ADGRL3: variants seen among roughly 807,000 people sequenced by gnomAD.
ADGRL3 encodes the protein adhesion G protein-coupled receptor L3, also known as calcium-independent alpha-latrotoxin receptor 3.
Under a neutral mutation model 153.5 loss-of-function variants are expected in ADGRL3, and 62 were observed. That is an observed-to-expected ratio of 0.40 (90% CI 0.33 to 0.50). The LOEUF is 0.50. Among genes scored for constraint, ADGRL3 ranks in the 20% least tolerant of loss-of-function variants. The pLI is 0.47. For missense variants in ADGRL3, 1,641 were observed against 1,859.4 expected (o/e 0.88, Z 2.16); for synonymous variants, 710 against 672.5 (o/e 1.06, Z -0.86).
At chr4:61,935,547 T>C (rs2098834911) in intron 14 of ADGRL3, among the ~76,000 whole-genome samples, 1 of 152,094 alleles carries the variant, frequency 6.6e-6, no homozygotes, top group Non-Finnish European at 1.5e-5. Flanking sequence ...CTGTTTGAAA[T>C]TTACTGGGCT....
intron 2 of ADGRL3, among the ~76,000 whole-genome samples, chr4:61,389,472 G>T (rs953615845): frequency 5.9e-5 from 9 of 152,052 alleles, no homozygotes; most frequent in Non-Finnish European, 1.3e-4. Flanking sequence ...AGTAATGTCT[G>T]TTTTTTTACA....
rs531713093 is a variant in ADGRL3 at position 62,028,251 on chromosome 4, G to A, written c.3396-604G>A. ...TAAACATAAGTGAAAATAAGCAGGC[G>A]TTGTATGTTTGTTCCTATTACTACA... On this transcript the variant is annotated intron_variant, in intron 21 of 26. Coordinates refer to ENST00000683033, the MANE Select transcript of ADGRL3 (RefSeq NM_001387552.1). 1.3e-4 allele frequency among the ~76,000 whole-genome samples: 20 copies of A among 151,786 alleles called. No homozygotes were observed. The South Asian group carries it at 1.5e-3, about 11-fold the overall frequency.
chr4:61,381,757 T>C (rs2096671555), intron 1 of ADGRL3, among the ~76,000 whole-genome samples: 1 of 151,952 alleles, frequency 6.6e-6, no homozygotes, highest in African/African-American at 2.4e-5. Flanking sequence ...GGGAAAAAAG[T>C]GACAGCCAAT....
intron 8 of ADGRL3, among the ~76,000 whole-genome samples, chr4:61,808,712 A>C (rs2097576754): frequency 6.6e-6 from 1 of 151,630 alleles, no homozygotes; most frequent in Non-Finnish European, 1.5e-5. Flanking sequence ...CACAAACAAC[A>C]CATTGACCTA....
At chr4:61,545,596 C>T (rs1009448763) in intron 4 of ADGRL3, among the ~76,000 whole-genome samples, 6 of 152,188 alleles carry the variant, frequency 3.9e-5, no homozygotes, top group Admixed American at 3.3e-4. Flanking sequence ...TCACTGCAAC[C>T]TCCGCCTGCC....
At chr4:61,643,175 A>G (rs1275591791) in intron 5 of ADGRL3, among the ~76,000 whole-genome samples, 1 of 152,082 alleles carries the variant, frequency 6.6e-6, no homozygotes, top group Non-Finnish European at 1.5e-5. Context: ...TTATCAGCTT[A>G]AGGAGATTTT....
In ADGRL3 at chr4:62,071,134, T is replaced by C; in HGVS notation, c.*226T>C. ...CTGTACCCCATCCTTTCTTGTCCTT[T>C]CCCCTTCAGATGGAGACTTCATTAT... is the stretch of plus-strand genomic sequence containing the variant. On this transcript the variant is annotated 3_prime_UTR_variant, in exon 27 of 27. Coordinates refer to ENST00000683033, the MANE Select transcript of ADGRL3 (RefSeq NM_001387552.1). 2.2e-6 allele frequency: 1 copy of C among 446,632 alleles called. No individual in the cohort carries two copies. 27.7% of individuals were successfully genotyped at this position (446,632 alleles called of 1,614,324 possible). A position where few individuals can be genotyped will look rare whatever the true frequency, so the allele number is the denominator to read the frequency against.
At chr4:61,502,282 T>C (rs1372771219) in intron 3 of ADGRL3, among the ~76,000 whole-genome samples, 3 of 152,028 alleles carry the variant, frequency 2.0e-5, no homozygotes, top group Non-Finnish European at 4.4e-5. Context: ...GTTCAGAAGG[T>C]GATTCTGGTG....
chr4:62,070,152 T>G lies in ADGRL3; in HGVS notation c.3876T>G (p.Thr1292=), dbSNP rs763238493. 6.2e-7 allele frequency: 1 copy of G among 1,614,070 alleles called. No individual in the cohort carries two copies. Among genetic ancestry groups the G allele is most frequent in the South Asian group, 1.1e-5 (1 of 91,082 alleles). The change falls in exon 27 of 27, where the codon ACT becomes ACG. Residue 1292 remains threonine, a synonymous_variant. Transcript: ENST00000683033. ...NNARDTSVMD[T]LPLNGNHGNS... ...CCAGGGATACAAGTGTCATGGATAC[T>G]CTACCACTGAATGGTAACCATGGCA...
At chr4:61,577,122 A>C (rs958514494) in intron 4 of ADGRL3, among the ~76,000 whole-genome samples, 2 of 151,418 alleles carry the variant, frequency 1.3e-5, no homozygotes, top group African/African-American at 4.8e-5. Flanking sequence ...TATGCCACTG[A>C]AAGCTCTTTG....
At chr4:61,857,686 C>CCTTT (rs1554048499) in intron 9 of ADGRL3, among the ~76,000 whole-genome samples, 6 of 148,954 alleles carry the variant, frequency 4.0e-5, no homozygotes, top group African/African-American at 1.5e-4. Flanking sequence ...TTTCTTCCTT[C>CCTTT]CTTTCTTCCT....
intron 8 of ADGRL3, among the ~76,000 whole-genome samples, chr4:61,788,118 C>A (rs779572185): frequency 6.6e-6 from 1 of 152,120 alleles, no homozygotes; most frequent in South Asian, 2.1e-4. Flanking sequence ...CATAAAAGAA[C>A]AACCTTGCCC....
intron 1 of ADGRL3, among the ~76,000 whole-genome samples, chr4:61,239,373 A>G (rs1754064836): frequency 6.6e-6 from 1 of 152,142 alleles, no homozygotes; most frequent in African/African-American, 2.4e-5. Context: ...TTAGTATTCA[A>G]AGAGGAAATT....
chr4:61,905,163 A>G (rs2098689410), intron 11 of ADGRL3, among the ~76,000 whole-genome samples: 1 of 152,160 alleles, frequency 6.6e-6, no homozygotes, highest in African/African-American at 2.4e-5. Flanking sequence ...AATTCCAGCT[A>G]TCTTAGATAT....
intron 4 of ADGRL3, among the ~76,000 whole-genome samples, chr4:61,561,271 G>A (rs2098793905): frequency 6.6e-6 from 1 of 152,146 alleles, no homozygotes; most frequent in Non-Finnish European, 1.5e-5. Flanking sequence ...TTGGAAGAAT[G>A]GATTCCATAC....
At chr4:61,803,389 G>A (rs1274478909) in intron 8 of ADGRL3, among the ~76,000 whole-genome samples, 1 of 151,976 alleles carries the variant, frequency 6.6e-6, no homozygotes, top group Admixed American at 6.6e-5. Context: ...ATGTTGTTAG[G>A]TAAACAGGTC....
intron 17 of ADGRL3, among the ~76,000 whole-genome samples, chr4:61,977,598 T>C (rs1209959852): frequency 6.6e-6 from 1 of 152,180 alleles, no homozygotes; most frequent in Non-Finnish European, 1.5e-5. Flanking sequence ...GACAGTATTC[T>C]AGTGGAGGTC....
intron 9 of ADGRL3, among the ~76,000 whole-genome samples, chr4:61,857,761 CT>C (rs1209726729): frequency 6.7e-6 from 1 of 149,476 alleles, no homozygotes; most frequent in African/African-American, 2.5e-5. Context: ...CAAAATCTTG[CT>C]GTGTCACCCA....
chr4:61,370,910 G>A (rs1274129431), intron 1 of ADGRL3, among the ~76,000 whole-genome samples: 2 of 150,620 alleles, frequency 1.3e-5, no homozygotes, highest in African/African-American at 4.9e-5. Context: ...GAATCTGGGT[G>A]CTCCTGTATT....
Sources: gnomAD v4.1 joint callset for allele counts (sites outside exome capture counted in the v4.1 genomes callset) on GRCh38, gnomAD v4.1.1 for gene constraint, MANE v1.5 for transcripts, NCBI Gene and HGNC (gene_info 2026-07-23, HGNC 2026-07-21) for gene names.